The following PCDH9 variants were observed in gnomAD, a reference collection of about 807,000 sequenced individuals.
PCDH9 encodes protocadherin-9.
A neutral mutation model predicts 70.6 loss-of-function variants in PCDH9; 24 were observed. The ratio of observed to expected loss-of-function variants is 0.34; its 90% CI spans 0.25 to 0.48. The LOEUF (loss-of-function observed/expected upper bound fraction) is 0.48. Ranked by LOEUF, PCDH9 falls within the 20% of genes least tolerant of loss-of-function variation. The probability of loss-of-function intolerance (pLI) is 0.99; values close to 1 mark genes in which losing one functional copy is unlikely to be tolerated. For synonymous variants in PCDH9, 562 were observed against 558.5 expected (o/e 1.01, Z -0.09); for missense variants, 1,281 against 1,503.6 (o/e 0.85, Z 2.45).
At chr13:67,025,033 A>T (rs28456007) in intron 2 of PCDH9, among the ~76,000 whole-genome samples, 1 of 152,248 alleles carries the variant, frequency 6.6e-6, no homozygotes, top group East Asian at 1.9e-4. Context: ...TCTAAGAACC[A>T]ATTAGTCACA....
In PCDH9 at chr13:66,538,800, A is replaced by G. The variant is rs1432390020; in HGVS notation, c.3340+92410T>C. ...CAATTGACACATAACTATCATACATAAGATGAAGACCATTACAGGTTTGGG... is the reference window on the plus strand; with the variant it reads ...CAATTGACACATAACTATCATACATGAGATGAAGACCATTACAGGTTTGGG... On this transcript the variant is annotated intron_variant, in intron 4 of 4. Transcript: ENST00000377865. Among the ~76,000 whole-genome samples the G allele has an allele frequency of 3.3e-5, 5 of 152,236 alleles. No individual in the cohort carries two copies. The East Asian group carries it at 7.7e-4, about 24-fold the overall frequency.
At chr13:67,092,897 A>G (rs1176436956) in intron 2 of PCDH9, among the ~76,000 whole-genome samples, 1 of 148,982 alleles carries the variant, frequency 6.7e-6, no homozygotes, top group Non-Finnish European at 1.5e-5. Context: ...CATCAGATTC[A>G]CTTATGAACT....
chr13:67,194,153 C>A (rs1255152127), intron 2 of PCDH9, among the ~76,000 whole-genome samples: 1 of 152,060 alleles, frequency 6.6e-6, no homozygotes, highest in African/African-American at 2.4e-5. Flanking sequence ...CTTAATGATG[C>A]CAATTTTGTG....
intron 2 of PCDH9, among the ~76,000 whole-genome samples, chr13:67,109,767 G>T (rs1342402372): frequency 1.3e-5 from 2 of 151,910 alleles, no homozygotes; most frequent in Non-Finnish European, 2.9e-5. Flanking sequence ...TAAAAGCTGG[G>T]TTGTTATATT....
At chr13:66,790,433 G>A (rs1307557757) in intron 3 of PCDH9, among the ~76,000 whole-genome samples, 1 of 151,844 alleles carries the variant, frequency 6.6e-6, no homozygotes, top group Non-Finnish European at 1.5e-5. Context: ...CTAATTTTTT[G>A]TAGTTGAATG....
At chr13:67,009,421 T>C (rs543996895) in intron 2 of PCDH9, among the ~76,000 whole-genome samples, 1 of 152,266 alleles carries the variant, frequency 6.6e-6, no homozygotes, top group South Asian at 2.1e-4. Context: ...CCCTCATTTG[T>C]ACAGGCCTCT....
chr13:67,126,167 A>G (rs1334247732), intron 2 of PCDH9, among the ~76,000 whole-genome samples: 1 of 152,114 alleles, frequency 6.6e-6, no homozygotes, highest in Non-Finnish European at 1.5e-5. Context: ...CAGACTTTAC[A>G]CTGTGGTAGG....
chr13:66,821,006 A>T (rs2080702981), intron 3 of PCDH9, among the ~76,000 whole-genome samples: 1 of 152,224 alleles, frequency 6.6e-6, no homozygotes, highest in East Asian at 1.9e-4. Context: ...AAAAAAATTT[A>T]AAAAGATTCC....
chr13:66,973,941 CAATAG>C (rs1205978113), intron 2 of PCDH9, among the ~76,000 whole-genome samples: 1 of 151,918 alleles, frequency 6.6e-6, no homozygotes, highest in Non-Finnish European at 1.5e-5. Context: ...TGTTTAGTTA[CAATAG>C]AATAATAGGA....
At chr13:66,962,532 T>C (rs1278093746) in intron 2 of PCDH9, among the ~76,000 whole-genome samples, 1 of 152,242 alleles carries the variant, frequency 6.6e-6, no homozygotes, top group Non-Finnish European at 1.5e-5. Flanking sequence ...CTAGGTTATA[T>C]GGTATAGGCT....
chr13:67,006,157 G>A (rs2139830960), intron 2 of PCDH9, among the ~76,000 whole-genome samples: 1 of 152,266 alleles, frequency 6.6e-6, no homozygotes, highest in African/African-American at 2.4e-5. Flanking sequence ...AACCCGGGAG[G>A]CGCAGCTTGC....
In PCDH9 at chr13:66,855,988, C is replaced by G. The variant is rs115081826; in HGVS notation, c.3138+47516G>C. Among the ~76,000 whole-genome samples, 376 of 151,904 alleles carry G rather than the reference C, an allele frequency of 2.5e-3. 1 individual carries two copies. Among genetic ancestry groups the G allele is most frequent in the African/African-American group, 8.3e-3 (344 of 41,508 alleles). ...TCAAAAAAATTATGAACATGGTTTA[C>G]TAAGTTTTTTTATAGAGAGGTAAAT... On this transcript the variant is annotated intron_variant, in intron 3 of 4. Transcript: ENST00000377865.
Position 66,631,436 on chromosome 13 carries a change from C to G in PCDH9, c.3139-25G>C, listed in dbSNP as rs755976344. 3.8e-6 allele frequency: 5 copies of G among 1,300,540 alleles called. No individual in the cohort carries two copies. In the East Asian group the frequency reaches 9.2e-5, roughly 24 times the overall value. The allele number at this position is 1,300,540 out of a possible 1,614,324, so 80.6% of individuals were successfully genotyped here. ...ACTACAAAGAAGACCACAGGACATG[C>G]TGATTAACACTCCTCTCAAATAAAA... On this transcript the variant is annotated intron_variant, in intron 3 of 4. Coordinates refer to ENST00000377865, the MANE Select transcript of PCDH9 (RefSeq NM_203487.3).
At chr13:66,699,692 T>C (rs2078611856) in intron 3 of PCDH9, among the ~76,000 whole-genome samples, 1 of 152,092 alleles carries the variant, frequency 6.6e-6, no homozygotes, top group African/African-American at 2.4e-5. Flanking sequence ...ACACCTTGAT[T>C]TTTGGACTTT....
intron 3 of PCDH9, among the ~76,000 whole-genome samples, chr13:66,671,710 T>A (rs2139039503): frequency 6.6e-6 from 1 of 152,310 alleles, no homozygotes; most frequent in South Asian, 2.1e-4. Context: ...TCTGGCAGAA[T>A]AAATTTCTAA....
At chr13:67,163,573 G>GA (rs2088023021) in intron 2 of PCDH9, among the ~76,000 whole-genome samples, 1 of 152,136 alleles carries the variant, frequency 6.6e-6, no homozygotes, top group African/African-American at 2.4e-5. Context: ...TATCTTGTAG[G>GA]AAGGCATTCA....
chr13:67,148,377 T>C (rs1367325325), intron 2 of PCDH9, among the ~76,000 whole-genome samples: 1 of 152,116 alleles, frequency 6.6e-6, no homozygotes, highest in African/African-American at 2.4e-5. Flanking sequence ...AGTCTTTGAA[T>C]TTTTACAGCT....
At chr13:66,335,067 G>A (rs1228885373) in intron 4 of PCDH9, among the ~76,000 whole-genome samples, 1 of 151,994 alleles carries the variant, frequency 6.6e-6, no homozygotes, top group Non-Finnish European at 1.5e-5. Flanking sequence ...CATCTAAATA[G>A]CCTTCAAACC....
Position 67,052,305 on chromosome 13 carries a change from G to C in PCDH9, c.3037-148700C>G, listed in dbSNP as rs912312704. On this transcript the variant is annotated intron_variant, in intron 2 of 4. Transcript: ENST00000377865. The stretch of plus-strand genomic sequence containing the variant: ...GAGTATAAGTTAGCCCTTTAATAAG[G>C]GGTTAGGGAAAGGAAAGGGGAGATG... 2.0e-5 allele frequency among the ~76,000 whole-genome samples: 3 copies of C among 152,124 alleles called. No individual in the cohort carries two copies. The South Asian group carries it at 6.2e-4, about 32-fold the overall frequency.
Sources: allele counts gnomAD v4.1 joint callset (sites outside exome capture counted in the v4.1 genomes callset), GRCh38; gene constraint gnomAD v4.1.1; transcripts MANE v1.5; gene names NCBI Gene and HGNC (gene_info 2026-07-23, HGNC 2026-07-21).